TNR: variants seen among roughly 807,000 people sequenced by gnomAD.
The protein encoded by TNR is tenascin-R.
In TNR, 45 loss-of-function variants were observed where a neutral mutation model predicts 150.4. The ratio of observed to expected loss-of-function variants is 0.30; its 90% CI spans 0.24 to 0.38. TNR has a LOEUF of 0.38. Ranked by LOEUF, TNR falls within the 10% of genes least tolerant of loss-of-function variation. The pLI is 1.00. For missense variants in TNR, 1,544 were observed against 1,759.1 expected (o/e 0.88, Z 2.19); for synonymous variants, 687 against 678.4 (o/e 1.01, Z -0.20).
intron 2 of TNR, among the ~76,000 whole-genome samples, chr1:175,492,447 G>A (rs150425760): frequency 5.4e-4 from 82 of 152,296 alleles, no homozygotes; most frequent in African/African-American, 1.9e-3. Context: ...AGATGAAGCC[G>A]TCCACAAGCT....
intron 1 of TNR, among the ~76,000 whole-genome samples, chr1:175,689,087 C>T (rs1314151569): frequency 2.0e-5 from 3 of 152,228 alleles, no homozygotes; most frequent in African/African-American, 4.8e-5. Context: ...GGCCTCAATG[C>T]CCTGGCTGTC....
chr1:175,730,202 C>A (rs1409141), intron 1 of TNR, among the ~76,000 whole-genome samples: 5 of 152,106 alleles, frequency 3.3e-5, no homozygotes, highest in Non-Finnish European at 7.3e-5. Context: ...TTTCTAGGAC[C>A]CCGAGCCTTT....
chr1:175,526,302 G>A (rs1007355418), intron 2 of TNR, among the ~76,000 whole-genome samples: 1 of 152,192 alleles, frequency 6.6e-6, no homozygotes, highest in African/African-American at 2.4e-5. Context: ...GTCTGGAACT[G>A]AAAGTTATCA....
At chr1:175,519,340 A>T (rs1369838681) in intron 2 of TNR, among the ~76,000 whole-genome samples, 1 of 152,210 alleles carries the variant, frequency 6.6e-6, no homozygotes, top group Non-Finnish European at 1.5e-5. Context: ...TGTGTTATCC[A>T]TTAAATTTTG....
At chr1:175,670,737 C>T (rs1039675809) in intron 1 of TNR, among the ~76,000 whole-genome samples, 4 of 152,028 alleles carry the variant, frequency 2.6e-5, no homozygotes, top group East Asian at 1.9e-4. Context: ...TTCAGGAAAG[C>T]GTGAATGGTT....
chr1:175,452,029 AC>A (rs1239667982), intron 2 of TNR, among the ~76,000 whole-genome samples: 1 of 152,144 alleles, frequency 6.6e-6, no homozygotes. Context: ...CCAGGCTCCC[AC>A]TCAGGGGCAA....
At chr1:175,582,577 CT>C (rs1203853393) in intron 1 of TNR, among the ~76,000 whole-genome samples, 1 of 152,076 alleles carries the variant, frequency 6.6e-6, no homozygotes, top group East Asian at 1.9e-4. Context: ...GGTTGAAACC[CT>C]GGGAGAGGGG....
In TNR at chr1:175,625,247, A is replaced by AT. The variant is rs148747577; in HGVS notation, c.-164-96879dup. Among the ~76,000 whole-genome samples the AT allele has an allele frequency of 1.1e-3, 169 of 152,232 alleles. No individual in the cohort carries two copies. The East Asian group carries it at 0.026, about 23-fold the overall frequency. On this transcript the variant is annotated intron_variant, in intron 1 of 22. Coordinates refer to ENST00000367674, the MANE Select transcript of TNR (RefSeq NM_003285.3). ...CTCAACTGTGAAAAACAACAGTGTG[A>AT]TTTTTCTGCCCATTCTTTCTGTAAA...
At chr1:175,434,130 T>G (rs992129913) in intron 2 of TNR, among the ~76,000 whole-genome samples, 5 of 152,212 alleles carry the variant, frequency 3.3e-5, no homozygotes, top group South Asian at 2.1e-4. Context: ...GATTGCATTT[T>G]CAAGATTCGT....
intron 1 of TNR, among the ~76,000 whole-genome samples, chr1:175,648,454 A>C (rs948447427): frequency 6.6e-6 from 1 of 152,058 alleles, no homozygotes; most frequent in African/African-American, 2.4e-5. Context: ...AAGGCCCCAC[A>C]CCACCAACAA....
intron 2 of TNR, among the ~76,000 whole-genome samples, chr1:175,522,434 G>T (rs1307497554): frequency 1.3e-5 from 2 of 152,212 alleles, no homozygotes; most frequent in Non-Finnish European, 1.5e-5. Context: ...GGGGATGAAA[G>T]ACCACAAATT....
chr1:175,517,037 GAGAGAGAGAGAGAGAGAGAGAA>G (rs1173123611), intron 2 of TNR, among the ~76,000 whole-genome samples: 8 of 150,500 alleles, frequency 5.3e-5, no homozygotes, highest in African/African-American at 2.0e-4. Context: ...GAGAGAGAGA[GAGAGAGAGAGAGAGAGAGAGAA>G]AGAGAGAGAG....
chr1:175,446,700 A>C (rs763081590), intron 2 of TNR, among the ~76,000 whole-genome samples: 9 of 152,032 alleles, frequency 5.9e-5, no homozygotes, highest in Non-Finnish European at 1.3e-4. Context: ...AAAGCAAAAC[A>C]AAAAAAATCT....
intron 2 of TNR, among the ~76,000 whole-genome samples, chr1:175,524,286 C>T (rs771539796): frequency 6.6e-5 from 10 of 151,826 alleles, no homozygotes; most frequent in Admixed American, 6.6e-5. Context: ...ATTTGTTGCA[C>T]GGGTAGGTAG....
intron 1 of TNR, among the ~76,000 whole-genome samples, chr1:175,601,862 T>G (rs544445793): frequency 6.6e-6 from 1 of 152,304 alleles, no homozygotes; most frequent in African/African-American, 2.4e-5. Context: ...GACTCCATCT[T>G]GGGAGGAAGA....
intron 2 of TNR, among the ~76,000 whole-genome samples, chr1:175,490,365 T>C (rs1025722370): frequency 2.0e-5 from 3 of 152,096 alleles, no homozygotes; most frequent in African/African-American, 7.2e-5. Context: ...AAGCAAAAAT[T>C]GACAAATGGG....
intron 2 of TNR, among the ~76,000 whole-genome samples, chr1:175,499,281 T>C (rs1188291940): frequency 6.6e-6 from 1 of 152,200 alleles, no homozygotes; most frequent in Non-Finnish European, 1.5e-5. Flanking sequence ...TGAGTAATAA[T>C]AATAATCACA....
At chr1:175,707,303 G>A (rs908860847) in intron 1 of TNR, among the ~76,000 whole-genome samples, 1 of 151,956 alleles carries the variant, frequency 6.6e-6, no homozygotes, top group Admixed American at 6.6e-5. Flanking sequence ...ATGTTATGTG[G>A]ATTCCTATTC....
chr1:175,402,284 G>A (rs1266644359), intron 4 of TNR, among the ~76,000 whole-genome samples: 7 of 132,352 alleles, frequency 5.3e-5, no homozygotes, highest in Admixed American at 1.6e-4. Flanking sequence ...TCCGCAATCC[G>A]GCCTGGGCGA....
Sources: allele counts gnomAD v4.1 joint callset (sites outside exome capture counted in the v4.1 genomes callset), GRCh38; gene constraint gnomAD v4.1.1; transcripts MANE v1.5; gene names NCBI Gene and HGNC (gene_info 2026-07-23, HGNC 2026-07-21).